The following THG1L variants were observed in gnomAD, a reference collection of about 807,000 sequenced individuals.
THG1L encodes tRNA-histidine guanylyltransferase 1 like, also known as probable tRNA(His) guanylyltransferase.
In THG1L, 27 loss-of-function variants were observed where a neutral mutation model predicts 35.2. The observed-to-expected ratio is 0.77, with a 90% confidence interval of 0.57 to 1.06. The LOEUF is 1.06. Ranked by LOEUF, THG1L falls within the 50% of genes least tolerant of loss-of-function variation. The pLI is 0.00. For missense variants in THG1L, 377 were observed against 371.8 expected, an observed-to-expected ratio of 1.01 and a Z score of -0.12; for synonymous variants, 135 against 132.4, an observed-to-expected ratio of 1.02 and a Z score of -0.14.
intron 4 of THG1L, 49 bp from the exon 5 acceptor site, chr5:157,737,838 G>A (rs1193814448): frequency 7.5e-6 from 11 of 1,469,582 alleles, no homozygotes; most frequent in Non-Finnish European, 9.4e-6. Context: ...TAGCACTAGG[G>A]GAGAAAGAAG....
At chr5:157,733,523 G>T (rs1465702812) in intron 2 of THG1L, among the ~76,000 whole-genome samples, 2 of 152,050 alleles carry the variant, frequency 1.3e-5, no homozygotes, top group African/African-American at 4.8e-5. Flanking sequence ...TAGAGGTGGG[G>T]TCTCTCTGTG....
At chr5:157,738,781 G>C (rs561539042) in intron 5 of THG1L, 1 of 286,668 alleles carries the variant, frequency 3.5e-6, no homozygotes, top group East Asian at 1.3e-4. Flanking sequence ...GAGGAACATG[G>C]AATCCTTTCT....
Position 157,739,326 on chromosome 5 carries a change from T to G in THG1L, c.741T>G (p.Asp247Glu), listed in dbSNP as rs752109671. 4.3e-6 allele frequency: 7 copies of G among 1,612,878 alleles called. No individual in the cohort carries two copies. In the African/African-American group the frequency reaches 9.4e-5, roughly 22 times the overall value. ...TACTTTATTTTTACCTGTAGGTGGATGAAGTGATGACAAAAGAAATTAAGC... is the reference window on the plus strand; with the variant it reads ...TACTTTATTTTTACCTGTAGGTGGAGGAAGTGATGACAAAAGAAATTAAGC... ...KGTVLIWQKV[D>E]EVMTKEIKLP... The change falls in exon 6 of 6, where the codon GAT becomes GAG. Residue 247 changes from aspartate to glutamate, a missense_variant. Asp to Glu is a conservative substitution (Grantham distance 45). Coordinates refer to ENST00000231198, the MANE Select transcript of THG1L (RefSeq NM_017872.5).
At position 157,734,602 on chromosome 5, in the gene THG1L, A is replaced by G. The variant is rs1244212296; in HGVS notation, c.395A>G (p.Gln132Arg). 6.2e-6 allele frequency: 10 copies of G among 1,614,018 alleles called. No homozygotes were observed. The East Asian group carries it at 1.3e-4, about 22-fold the overall frequency. The change falls in exon 3 of 6, where the codon CAG becomes CGG. Residue 132 changes from glutamine to arginine, a missense_variant. Physicochemically the swap from Gln to Arg is conservative, Grantham distance 43. Transcript: ENST00000231198. ...ASKFMTHVAS[Q>R]FASSYVFYWR... ...AAGTTCATGACTCACGTGGCCTCCC[A>G]GTTTGCCTCCAGCTATGTGTTTTAT...
rs1581439880 is a variant in THG1L at position 157,734,804 on chromosome 5, T to C, written c.538+59T>C. 2.5e-6 allele frequency: 4 copies of C among 1,596,184 alleles called. No homozygotes were observed. The East Asian group carries it at 6.7e-5, about 27-fold the overall frequency. On this transcript the variant is annotated intron_variant, in intron 3 of 5. Coordinates refer to ENST00000231198, the MANE Select transcript of THG1L (RefSeq NM_017872.5). ...CCACCAATTCCATGTCTTACAGGTG[T>C]TGATCTGATACAGGATTGGCTCACA...
chr5:157,733,105 T>G (rs1760773053), intron 2 of THG1L, 61 bp downstream of exon 2: 1 of 1,588,418 alleles, frequency 6.3e-7, no homozygotes, highest in African/African-American at 1.3e-5. Context: ...GGTTTTCTGT[T>G]TATCTTAATC....
At chr5:157,733,079 T>C in intron 2 of THG1L, 35 bp downstream of exon 2, 1 of 1,603,906 alleles carries the variant, frequency 6.2e-7, no homozygotes, top group Non-Finnish European at 8.5e-7. Context: ...CTTCAGAATA[T>C]TTCCTCCCAG....
At chr5:157,734,441 A>C in intron 2 of THG1L, 135 bp from the exon 3 acceptor site, 28 of 942,286 alleles carry the variant, frequency 3.0e-5, no homozygotes, top group Non-Finnish European at 4.2e-5. Context: ...TTTCTTAGCC[A>C]AATGCATTTT....
chr5:157,738,123 A>G, intron 5 of THG1L, 129 bp downstream of exon 5: 1 of 673,976 alleles, frequency 1.5e-6, no homozygotes, highest in Non-Finnish European at 2.5e-6. Context: ...CCTTTCCAAG[A>G]GGAGAGGCCA....
chr5:157,738,593 T>C (rs1379247988), intron 5 of THG1L: 1 of 423,790 alleles, frequency 2.4e-6, no homozygotes, highest in Non-Finnish European at 4.6e-6. Context: ...TTTTTTGTTT[T>C]TTTTTTTTCT....
At position 157,733,027 on chromosome 5, in the gene THG1L, G is replaced by T. The variant is rs756625120; in HGVS notation, c.351G>T (p.Trp117Cys). 2 of 1,613,902 alleles carry T rather than the reference G, an allele frequency of 1.2e-6. No homozygotes were observed. The highest frequency in any genetic ancestry group is 1.7e-5 in the Admixed American group (1 of 59,990). Residue 117 changes from tryptophan (W) to cysteine (C), a missense_variant, in exon 2 of 6, where the codon TGG becomes TGT. Physicochemically the swap from Trp to Cys is radical, Grantham distance 215 (BLOSUM62 -2). Transcript: ENST00000231198. The part of the protein sequence containing the change: ...YSFVFKRKTN[W>C]FKRRASKFMT... Reference sequence around the variant, plus strand: ...TTGTGTTCAAGCGGAAAACCAATTGGTTTAAAAGAAGAGCCAGGTAATTCC... The same window carrying T: ...TTGTGTTCAAGCGGAAAACCAATTGTTTTAAAAGAAGAGCCAGGTAATTCC...
chr5:157,737,836 G>A (rs1760922943), intron 4 of THG1L, 51 bp from the exon 5 acceptor site: 1 of 1,453,902 alleles, frequency 6.9e-7, no homozygotes, highest in African/African-American at 1.4e-5. Context: ...AGTAGCACTA[G>A]GGGAGAAAGA....
At chr5:157,732,838 C>T (rs374201739) in intron 1 of THG1L, 30 bp from the exon 2 acceptor site, 1 of 1,613,132 alleles carries the variant, frequency 6.2e-7, no homozygotes, top group Non-Finnish European at 8.5e-7. Context: ...GGCTTCCATC[C>T]ATGCTTTCTT....
chr5:157,731,936 A>G (rs561834390), intron 1 of THG1L, among the ~76,000 whole-genome samples: 5 of 152,318 alleles, frequency 3.3e-5, no homozygotes, highest in South Asian at 2.1e-4. Context: ...CTCATGCACA[A>G]TATTTAAGCT....
intron 3 of THG1L, 65 bp from the exon 4 acceptor site, chr5:157,735,781 T>C: frequency 6.0e-6 from 7 of 1,164,524 alleles, no homozygotes; most frequent in Non-Finnish European, 8.7e-6. Context: ...CTAGTATTCC[T>C]TGAAGAATGA....
rs1192056955 is a variant in THG1L at position 157,731,484 on chromosome 5, C to G, written c.44C>G (p.Thr15Ser). Reference protein sequence around the residue: ...CKVKVHDSLATISITLRRYLR... With the variant: ...CKVKVHDSLASISITLRRYLR... ...GTTAAGGTTCACGATTCCTTGGCCA[C>G]CATTTCCATCACTCTGAGACGGTAC... The change falls in exon 1 of 6, where the codon ACC (threonine) becomes AGC (serine). Residue 15 changes from threonine (T) to serine (S), a missense_variant. Transcript: ENST00000231198. 1 of 1,610,236 alleles carries G rather than the reference C, an allele frequency of 6.2e-7. No homozygotes were observed. Among genetic ancestry groups the G allele is most frequent in the East Asian group, 2.2e-5 (1 of 44,678 alleles).
In THG1L at chr5:157,734,577, A is replaced by T; in HGVS notation, c.370A>T (p.Lys124Ter). 1 of 1,613,914 alleles carries T rather than the reference A, an allele frequency of 6.2e-7. No homozygotes were observed. The highest frequency in any genetic ancestry group is 8.5e-7 in the Non-Finnish European group (1 of 1,179,872). The change falls in exon 3 of 6, where the codon AAG (lysine) becomes TAG (stop). Residue 124 changes from lysine to a stop codon, truncating the protein, a stop_gained and splice_region_variant. Transcript: ENST00000231198. LOFTEE classifies it high-confidence loss of function. ...CCCAATGTGCGTTACATTTTCAAGT[A>T]AGTTCATGACTCACGTGGCCTCCCA... Reference protein sequence around the residue: ...KTNWFKRRASKFMTHVASQFA... With the variant: ...KTNWFKRRAS
At chr5:157,733,075 A>G in intron 2 of THG1L, 31 bp downstream of exon 2, 1 of 1,604,896 alleles carries the variant, frequency 6.2e-7, no homozygotes, top group Non-Finnish European at 8.5e-7. Context: ...CTTTCTTCAG[A>G]ATATTTCCTC....
intron 1 of THG1L, 126 bp downstream of exon 1, chr5:157,731,757 C>T: frequency 8.1e-7 from 1 of 1,227,184 alleles, no homozygotes; most frequent in Non-Finnish European, 1.1e-6. Flanking sequence ...CCAATGAGTG[C>T]GCAGCATGGA....
Sources: allele counts gnomAD v4.1 joint callset (sites outside exome capture counted in the v4.1 genomes callset), GRCh38; gene constraint gnomAD v4.1.1; transcripts MANE v1.5; gene names NCBI Gene and HGNC (gene_info 2026-07-23, HGNC 2026-07-21).